The following GMPS variants were observed in gnomAD, a reference collection of about 807,000 sequenced individuals.
GMPS encodes the protein guanosine monophosphate synthase.
Under a neutral mutation model 77.9 loss-of-function variants are expected in GMPS, and 15 were observed. The observed-to-expected ratio is 0.19, with a 90% CI of 0.13 to 0.30. The LOEUF (loss-of-function observed/expected upper bound fraction) is 0.30. GMPS is among the 10% of genes least tolerant of loss of function. The probability of loss-of-function intolerance (pLI) is 1.00; values close to 1 mark genes in which losing one functional copy is unlikely to be tolerated. For missense variants in GMPS, 590 were observed against 838.8 expected (o/e 0.70, Z 3.66); for synonymous variants, 224 against 275.9 (o/e 0.81, Z 1.86).
Position 155,942,626 on chromosome 3 carries a change from T to C in GMPS, c.*4934T>C, listed in dbSNP as rs190193801. ...TCAGACACTCCCAGGACCTGTTTGG[T>C]AATAATTAGGACAGCTGACATACTT... On this transcript the variant is annotated 3_prime_UTR_variant, in exon 16 of 16. Transcript: ENST00000496455. 3 of 229,122 alleles carry C rather than the reference T, an allele frequency of 1.3e-5. No individual in the cohort carries two copies. Among genetic ancestry groups the C allele is most frequent in the African/African-American group, 4.4e-5 (2 of 45,218 alleles). 14.2% of individuals were successfully genotyped at this position (229,122 alleles called of 1,614,324 possible). A position where few individuals can be genotyped will look rare whatever the true frequency, so the allele number is the denominator to read the frequency against.
rs771766942 is a variant in GMPS at position 155,914,490 on chromosome 3, C to T, written c.958C>T (p.Arg320Trp). Residue 320 changes from arginine to tryptophan, a missense_variant, in exon 8 of 16, where the codon CGG becomes TGG. Transcript: ENST00000496455. ...LPISDEDRTP[R>W]KRISKTLNMT... ...AATATCAGATGAAGATAGAACCCCA[C>T]GGAAAAGAATTAGCAAAACGTTAAA... 2.5e-6 allele frequency: 4 copies of T among 1,603,604 alleles called. No individual in the cohort carries two copies. Among genetic ancestry groups the T allele is most frequent in the Non-Finnish European group, 2.6e-6 (3 of 1,175,026 alleles).
intron 15 of GMPS, among the ~76,000 whole-genome samples, chr3:155,937,311 G>T (rs1000340093): frequency 3.9e-5 from 6 of 152,294 alleles, no homozygotes; most frequent in Non-Finnish European, 8.8e-5. Flanking sequence ...AGCACTTGTG[G>T]CTCAGTCACA....
chr3:155,874,635 A>G (rs1753985288), intron 1 of GMPS, among the ~76,000 whole-genome samples: 1 of 152,044 alleles, frequency 6.6e-6, no homozygotes, highest in Admixed American at 6.6e-5. Context: ...GTGTTCTTAG[A>G]CCTGAAAGGT....
chr3:155,935,678 C>G (rs554457351), intron 14 of GMPS, among the ~76,000 whole-genome samples: 2 of 152,114 alleles, frequency 1.3e-5, no homozygotes, highest in Non-Finnish European at 2.9e-5. Flanking sequence ...TCATGGTCTC[C>G]TTGATGCTAT....
chr3:155,890,802 G>A (rs1398323764), intron 1 of GMPS, among the ~76,000 whole-genome samples: 1 of 152,162 alleles, frequency 6.6e-6, no homozygotes, highest in Admixed American at 6.5e-5. Context: ...AACCCTGTCA[G>A]CCTTGCCACA....
At chr3:155,877,923 G>C (rs535481213) in intron 1 of GMPS, among the ~76,000 whole-genome samples, 1 of 151,062 alleles carries the variant, frequency 6.6e-6, no homozygotes, top group Non-Finnish European at 1.5e-5. Flanking sequence ...CTGGGCATGC[G>C]CCACCATGCC....
upstream of GMPS, among the ~76,000 whole-genome samples, chr3:155,870,205 A>T (rs1753864491): frequency 1.3e-5 from 2 of 152,202 alleles, no homozygotes; most frequent in African/African-American, 4.8e-5. Flanking sequence ...ATGTCCAGCA[A>T]CCTGAGATAA....
chr3:155,878,045 A>C (rs1754099899), intron 1 of GMPS, among the ~76,000 whole-genome samples: 1 of 152,078 alleles, frequency 6.6e-6, no homozygotes, highest in African/African-American at 2.4e-5. Flanking sequence ...AAGTGTTAGA[A>C]TTACAGGCAT....
intron 2 of GMPS, among the ~76,000 whole-genome samples, chr3:155,897,451 T>C (rs1754630078): frequency 1.3e-5 from 2 of 152,162 alleles, no homozygotes; most frequent in Non-Finnish European, 2.9e-5. Flanking sequence ...AGTTGGGTAA[T>C]GTATACTTTC....
chr3:155,921,787 A>C (rs1174562466), intron 10 of GMPS, among the ~76,000 whole-genome samples: 2 of 152,128 alleles, frequency 1.3e-5, no homozygotes, highest in Non-Finnish European at 2.9e-5. Flanking sequence ...GCAAGACTCT[A>C]TCTCTTAAAA....
intron 1 of GMPS, among the ~76,000 whole-genome samples, chr3:155,880,695 A>T (rs1754189361): frequency 6.6e-6 from 1 of 152,150 alleles, no homozygotes; most frequent in Non-Finnish European, 1.5e-5. Context: ...AAAAAATGCA[A>T]ACTTGGTATT....
Position 155,916,203 on chromosome 3 carries a change from A to G in GMPS, c.1212+11A>G, listed in dbSNP as rs1418734155. ...AAGTTGAGAGAGGAGGTAAAAGTTT[A>G]TGAAAACTTTTTCATAAAGTAGATA... On this transcript the variant is annotated intron_variant, in intron 9 of 15. Transcript: ENST00000496455. 6.3e-7 allele frequency: 1 copy of G among 1,584,780 alleles called. No homozygotes were observed. The highest frequency in any genetic ancestry group is 8.6e-7 in the Non-Finnish European group (1 of 1,158,414).
At position 155,941,196 on chromosome 3, in the gene GMPS, A is replaced by G. The variant is rs1272572984; in HGVS notation, c.*3504A>G. 1 of 177,430 alleles carries G rather than the reference A, an allele frequency of 5.6e-6. No individual in the cohort carries two copies. Among genetic ancestry groups the G allele is most frequent in the Non-Finnish European group, 1.2e-5 (1 of 82,662 alleles). 11.0% of individuals were successfully genotyped at this position (177,430 alleles called of 1,614,324 possible). On this transcript the variant is annotated 3_prime_UTR_variant, in exon 16 of 16. Coordinates refer to ENST00000496455, the MANE Select transcript of GMPS (RefSeq NM_003875.3). The stretch of plus-strand genomic sequence containing the variant: ...GAGGTGGGTGGATCACGAGATCAGG[A>G]GATCGAGACCATCTTGGCTAACACG...
rs183849739 is a variant in GMPS at position 155,941,980 on chromosome 3, T to C, written c.*4288T>C. On this transcript the variant is annotated 3_prime_UTR_variant, in exon 16 of 16. Transcript: ENST00000496455. ...ACTCTAACCTTTTTGTCAGTGTTCC[T>C]CAACACTGGATGCGTATTATTACAT... The C allele has an allele frequency of 5.7e-3, 1,193 of 211,094 alleles. 6 individuals are homozygous for C. Among genetic ancestry groups the C allele is most frequent in the South Asian group, 0.014 (73 of 5,388 alleles). 13.1% of individuals were successfully genotyped at this position (211,094 alleles called of 1,614,324 possible).
rs1205164068 is a variant in GMPS, at chr3:155,938,675, T to C, written c.*983T>C. ...AGTAAACAGTTGTAAAATGAGCTTT[T>C]AAATCTAATCTATAGACATATTATT... On this transcript the variant is annotated 3_prime_UTR_variant, in exon 16 of 16. Transcript: ENST00000496455. 9.9e-6 allele frequency: 2 copies of C among 201,464 alleles called. No homozygotes were observed. The highest frequency in any genetic ancestry group is 4.6e-5 in the African/African-American group (2 of 43,630). 12.5% of individuals were successfully genotyped at this position (201,464 alleles called of 1,614,324 possible). A position where few individuals can be genotyped will look rare whatever the true frequency, so the allele number is the denominator to read the frequency against.
intron 2 of GMPS, among the ~76,000 whole-genome samples, chr3:155,894,519 C>T (rs561976111): frequency 6.6e-5 from 10 of 152,122 alleles, no homozygotes; most frequent in African/African-American, 1.4e-4. Flanking sequence ...CCACCGTGCC[C>T]GGCCAGTGTC....
At chr3:155,930,675 A>G (rs937716584) in intron 12 of GMPS, among the ~76,000 whole-genome samples, 1 of 152,196 alleles carries the variant, frequency 6.6e-6, no homozygotes, top group African/African-American at 2.4e-5. Flanking sequence ...AACAAAACAA[A>G]CAACCCCATA....
chr3:155,910,644 C>A, intron 5 of GMPS, 48 bp from the exon 6 acceptor site: 3 of 886,282 alleles, frequency 3.4e-6, no homozygotes, highest in African/African-American at 1.7e-5. Context: ...TTGCTTGAGT[C>A]TTTTCAGCAT....
At chr3:155,885,440 T>C (rs1401524908) in intron 1 of GMPS, among the ~76,000 whole-genome samples, 1 of 152,216 alleles carries the variant, frequency 6.6e-6, no homozygotes, top group African/African-American at 2.4e-5. Flanking sequence ...TTAGGCAACA[T>C]GAAACAGTTG....
Sources: allele counts gnomAD v4.1 joint callset (sites outside exome capture counted in the v4.1 genomes callset), GRCh38; gene constraint gnomAD v4.1.1; transcripts MANE v1.5; gene names NCBI Gene and HGNC (gene_info 2026-07-23, HGNC 2026-07-21).